NLGN1: variants seen among roughly 807,000 people sequenced by gnomAD.
The protein encoded by NLGN1 is neuroligin 1, also known as neuroligin-1.
NLGN1 carries 12 observed loss-of-function variants against 65.5 expected under a neutral mutation model. The ratio of observed to expected loss-of-function variants is 0.18; its 90% CI spans 0.12 to 0.30. NLGN1 has a LOEUF of 0.30. NLGN1 is among the 10% of genes least tolerant of loss of function. NLGN1 has a pLI of 1.00. For synonymous variants in NLGN1, 350 were observed against 359.5 expected (o/e 0.97, Z 0.30); for missense variants, 750 against 1,007.1 (o/e 0.74, Z 3.46).
rs185662744 is a variant in NLGN1, at chr3:173,689,689, A to G, written c.493+84598A>G. ...GTATTACAAGCTGAATTTTATCTTG[A>G]ATTATTTTTCATTCTATCTGTAACG... On this transcript the variant is annotated intron_variant, in intron 3 of 6. Coordinates refer to ENST00000457714, the Ensembl canonical transcript of NLGN1. 1.8e-3 allele frequency among the ~76,000 whole-genome samples: 274 copies of G among 152,272 alleles called. 2 individuals carry two copies. Among genetic ancestry groups the G allele is most frequent in the African/African-American group, 6.3e-3 (261 of 41,556 alleles).
chr3:173,593,101 T>C (rs532390940), intron 2 of NLGN1, among the ~76,000 whole-genome samples: 4 of 152,308 alleles, frequency 2.6e-5, no homozygotes, highest in East Asian at 3.9e-4. Flanking sequence ...CCACTCCATA[T>C]TCTTAAATCT....
chr3:174,017,691 G>A (rs545708022), intron 4 of NLGN1, among the ~76,000 whole-genome samples: 6 of 152,150 alleles, frequency 3.9e-5, no homozygotes, highest in South Asian at 2.1e-4. Context: ...CCGTCAAGCC[G>A]CAAAACCAGC....
chr3:173,699,414 T>A (rs182986796), intron 3 of NLGN1, among the ~76,000 whole-genome samples: 3 of 152,346 alleles, frequency 2.0e-5, no homozygotes, highest in Non-Finnish European at 4.4e-5. Context: ...TGGTTTGTTT[T>A]GACCTAAATT....
intron 4 of NLGN1, among the ~76,000 whole-genome samples, chr3:174,236,304 T>A (rs1000543986): frequency 3.9e-5 from 6 of 152,118 alleles, no homozygotes; most frequent in Admixed American, 3.3e-4. Flanking sequence ...TCTCTATGCC[T>A]ATATATATTT....
intron 4 of NLGN1, among the ~76,000 whole-genome samples, chr3:173,851,902 T>G (rs1726991525): frequency 6.6e-6 from 1 of 152,176 alleles, no homozygotes. Context: ...ATAAAACATT[T>G]AAAATGTTGT....
At chr3:173,537,528 T>C (rs1159253743) in intron 2 of NLGN1, among the ~76,000 whole-genome samples, 3 of 151,598 alleles carry the variant, frequency 2.0e-5, no homozygotes, top group Non-Finnish European at 2.9e-5. Flanking sequence ...GTAAATATAT[T>C]TATAATAAAA....
intron 1 of NLGN1, among the ~76,000 whole-genome samples, chr3:173,412,311 GACAC>G (rs71162345): frequency 0.048 from 7,129 of 147,586 alleles, 371 homozygotes; most frequent in African/African-American, 0.14. Context: ...CTCTCACTCT[GACAC>G]ACACACACAC....
intron 2 of NLGN1, among the ~76,000 whole-genome samples, chr3:173,570,963 A>C (rs1218607505): frequency 6.6e-6 from 1 of 152,132 alleles, no homozygotes; most frequent in Admixed American, 6.5e-5. Flanking sequence ...CGGCCTCTCA[A>C]AGTGCTGGGA....
intron 3 of NLGN1, among the ~76,000 whole-genome samples, chr3:173,622,448 TG>T (rs1481454649): frequency 6.6e-6 from 1 of 151,998 alleles, no homozygotes; most frequent in Non-Finnish European, 1.5e-5. Flanking sequence ...ATACAGAATG[TG>T]GGACATGAAG....
At chr3:174,087,113 C>T (rs1453594304) in intron 4 of NLGN1, among the ~76,000 whole-genome samples, 1 of 151,998 alleles carries the variant, frequency 6.6e-6, no homozygotes, top group African/African-American at 2.4e-5. Context: ...CACACTGGAG[C>T]CCACTTGAGG....
At chr3:174,117,945 C>T (rs562689159) in intron 4 of NLGN1, among the ~76,000 whole-genome samples, 1 of 152,234 alleles carries the variant, frequency 6.6e-6, no homozygotes, top group African/African-American at 2.4e-5. Context: ...AATCTGGCTT[C>T]AAAGAGAACA....
At chr3:174,202,948 T>C (rs1734753344) in intron 4 of NLGN1, 1 of 152,086 alleles carries the variant, frequency 6.6e-6, no homozygotes, top group Non-Finnish European at 1.5e-5. Flanking sequence ...TTAGAGGTTG[T>C]GGACTATTTT....
intron 4 of NLGN1, among the ~76,000 whole-genome samples, chr3:173,880,611 A>G (rs1203608532): frequency 6.6e-6 from 1 of 151,676 alleles, no homozygotes; most frequent in Non-Finnish European, 1.5e-5. Context: ...TTTTATTGCT[A>G]AAAATCATTA....
exon 7 of NLGN1, chr3:174,281,538 C>A: frequency 2.5e-6 from 1 of 407,352 alleles, no homozygotes; most frequent in Non-Finnish European, 4.4e-6. Flanking sequence ...TTTTCATTCA[C>A]ATTCAAGAAT....
chr3:173,473,962 A>C (rs1157850064), intron 2 of NLGN1, among the ~76,000 whole-genome samples: 1 of 152,156 alleles, frequency 6.6e-6, no homozygotes, highest in African/African-American at 2.4e-5. Flanking sequence ...TACTTTATTA[A>C]ATTTCTTCTA....
intron 3 of NLGN1, among the ~76,000 whole-genome samples, chr3:173,607,682 G>T (rs1285803899): frequency 6.6e-6 from 1 of 151,492 alleles, no homozygotes. Context: ...GAAATTATTA[G>T]TCCCTTTATA....
rs553033841 is a variant in NLGN1, at chr3:174,217,458, A to G, written c.647-57857A>G. Among the ~76,000 whole-genome samples the G allele has an allele frequency of 7.2e-5, 11 of 152,252 alleles. No individual in the cohort carries two copies. The East Asian group carries it at 1.5e-3, about 21-fold the overall frequency. On this transcript the variant is annotated intron_variant, in intron 4 of 6. Transcript: ENST00000457714. ...CACAGTTCTAGAGACTGAAAGTCCA[A>G]GATAAGGGTACCAACATGATTGGGT...
intron 4 of NLGN1, among the ~76,000 whole-genome samples, chr3:174,095,128 T>C (rs552275604): frequency 2.0e-4 from 30 of 152,074 alleles, no homozygotes; most frequent in African/African-American, 7.0e-4. Context: ...TTCTTTATAG[T>C]CATCATGACT....
chr3:173,602,404 A>G (rs2149440829), intron 2 of NLGN1, among the ~76,000 whole-genome samples: 1 of 152,160 alleles, frequency 6.6e-6, no homozygotes, highest in African/African-American at 2.4e-5. Context: ...CTCCAAACAT[A>G]CAACATGTAA....
Sources: allele counts gnomAD v4.1 joint callset (sites outside exome capture counted in the v4.1 genomes callset), GRCh38; gene constraint gnomAD v4.1.1; transcripts MANE v1.5; gene names NCBI Gene and HGNC (gene_info 2026-07-23, HGNC 2026-07-21).